The following CIMAP2 variants were observed in gnomAD, a reference collection of about 807,000 sequenced individuals.
The protein encoded by CIMAP2 is ciliary microtubule-associated protein 2.
the CIMAP2 span, chr1:54,808,022 T>C: frequency 6.5e-7 from 1 of 1,543,492 alleles, no homozygotes; most frequent in South Asian, 1.2e-5. Flanking sequence ...GTAGGTGTTC[T>C]CATGTCTGGA....
the CIMAP2 span, chr1:54,807,137 T>C: frequency 7.2e-6 from 11 of 1,518,872 alleles, no homozygotes; most frequent in East Asian, 2.5e-4. Flanking sequence ...CACTGCCCCT[T>C]CGAGCTGCCT....
chr1:54,806,331 G>C, the CIMAP2 span: 11 of 1,125,440 alleles, frequency 9.8e-6, no homozygotes, highest in Non-Finnish European at 1.2e-5. Flanking sequence ...ACACAGGGCT[G>C]AGCCTGGCGG....
the CIMAP2 span, among the ~76,000 whole-genome samples, chr1:54,832,822 G>T: frequency 5.3e-5 from 8 of 152,138 alleles, no homozygotes; most frequent in Non-Finnish European, 1.0e-4. Context: ...GAGGTCAGGC[G>T]TTAGAGACTA....
chr1:54,814,392 T>C, the CIMAP2 span, among the ~76,000 whole-genome samples: 1 of 152,144 alleles, frequency 6.6e-6, no homozygotes, highest in Non-Finnish European at 1.5e-5. Flanking sequence ...AAGGGAGTGG[T>C]GCACTCGGCC....
chr1:54,811,786 C>CCCCCCCCCACCA, the CIMAP2 span: 2 of 1,466,488 alleles, frequency 1.4e-6, no homozygotes, highest in Non-Finnish European at 1.9e-6. Flanking sequence ...CCCACCCCCG[C>CCCCCCCCCACCA]CCCACAGAAC....
the CIMAP2 span, among the ~76,000 whole-genome samples, chr1:54,808,732 G>A: frequency 2.6e-5 from 4 of 151,950 alleles, no homozygotes; most frequent in East Asian, 1.9e-4. Context: ...GGGTGGCAGC[G>A]CCAGGGGATG....
chr1:54,826,611 C>T, the CIMAP2 span, among the ~76,000 whole-genome samples: 2 of 152,176 alleles, frequency 1.3e-5, no homozygotes, highest in African/African-American at 4.8e-5. Context: ...GTCACATGTA[C>T]CCCCAGAAGT....
At chr1:54,824,448 G>A in the CIMAP2 span, among the ~76,000 whole-genome samples, 1 of 151,882 alleles carries the variant, frequency 6.6e-6, no homozygotes, top group African/African-American at 2.4e-5. Flanking sequence ...GCAAGACTTG[G>A]GATGTTTTCA....
the CIMAP2 span, among the ~76,000 whole-genome samples, chr1:54,831,138 C>G: frequency 6.6e-6 from 1 of 152,152 alleles, no homozygotes; most frequent in Non-Finnish European, 1.5e-5. Context: ...TTTCATACTT[C>G]TCTTCTGAAA....
the CIMAP2 span, chr1:54,807,661 C>A: frequency 1.2e-6 from 2 of 1,605,080 alleles, no homozygotes; most frequent in Non-Finnish European, 1.7e-6. Flanking sequence ...CTTCCAGTAC[C>A]AGGCCATCAT....
the CIMAP2 span, among the ~76,000 whole-genome samples, chr1:54,836,282 C>CGCCTGCCTGCCT: frequency 1.3e-5 from 2 of 150,630 alleles, no homozygotes; most frequent in Non-Finnish European, 2.9e-5. Context: ...CCTACCTGCC[C>CGCCTGCCTGCCT]GCCTGCCTGC....
chr1:54,835,808 G>T, the CIMAP2 span, among the ~76,000 whole-genome samples: 1 of 151,974 alleles, frequency 6.6e-6, no homozygotes, highest in South Asian at 2.1e-4. Flanking sequence ...AGGGATGAAG[G>T]CAGGTCGGGC....
chr1:54,815,646 T>A, the CIMAP2 span, among the ~76,000 whole-genome samples: 7 of 152,288 alleles, frequency 4.6e-5, no homozygotes, highest in East Asian at 1.4e-3. Context: ...ATTCTTGGCC[T>A]TGGGCTTTGA....
At chr1:54,838,384 G>C in the CIMAP2 span, among the ~76,000 whole-genome samples, 1 of 151,930 alleles carries the variant, frequency 6.6e-6, no homozygotes, top group Admixed American at 6.5e-5. Context: ...TTGGGAGGCT[G>C]AGGCAGGAGA....
At chr1:54,809,729 G>A in the CIMAP2 span, among the ~76,000 whole-genome samples, 3 of 152,060 alleles carry the variant, frequency 2.0e-5, no homozygotes, top group Non-Finnish European at 4.4e-5. Flanking sequence ...CAAGGCCTGG[G>A]TGTGGGAACT....
the CIMAP2 span, chr1:54,817,133 C>G: frequency 6.2e-6 from 10 of 1,613,916 alleles, no homozygotes; most frequent in Non-Finnish European, 8.5e-7. Flanking sequence ...GTGAGTGCAG[C>G]TGGAGCTGCA....
the CIMAP2 span, chr1:54,811,765 G>GCGGGGGGGGGGGCCCC: frequency 7.7e-7 from 1 of 1,301,332 alleles, no homozygotes; most frequent in Non-Finnish European, 1.1e-6. Context: ...GGTTCTGACA[G>GCGGGGGGGGGGGCCCC]CCTCCATGCC....
At chr1:54,814,816 A>G in the CIMAP2 span, 1 of 1,536,120 alleles carries the variant, frequency 6.5e-7, no homozygotes, top group Non-Finnish European at 8.9e-7. Context: ...GGGCTGCTGG[A>G]TGGGTGGAGT....
chr1:54,824,664 G>A, the CIMAP2 span, among the ~76,000 whole-genome samples: 1 of 151,660 alleles, frequency 6.6e-6, no homozygotes, highest in Non-Finnish European at 1.5e-5. Context: ...GTAGTGTATT[G>A]TTGAAGTTCT....
Sources: allele counts gnomAD v4.1 joint callset (sites outside exome capture counted in the v4.1 genomes callset), GRCh38; gene constraint gnomAD v4.1.1; transcripts MANE v1.5; gene names NCBI Gene and HGNC (gene_info 2026-07-23, HGNC 2026-07-21).